The following ZNF248 variants were observed in gnomAD, a reference collection of about 807,000 sequenced individuals.
ZNF248 encodes the protein KRAB protein domain.
Under a neutral mutation model 44.3 loss-of-function variants are expected in ZNF248, and 20 were observed. That is an observed-to-expected ratio of 0.45 (90% CI 0.32 to 0.66). The LOEUF is 0.66. Among genes scored for constraint, ZNF248 ranks in the 30% least tolerant of loss-of-function variants. The pLI, the probability that ZNF248 is intolerant of heterozygous loss-of-function variation, is 0.04. For synonymous variants in ZNF248, 224 were observed against 229.0 expected, an observed-to-expected ratio of 0.98 and a Z score of 0.20; for missense variants, 654 against 677.0, an observed-to-expected ratio of 0.97 and a Z score of 0.38.
chr10:37,796,513 C>T (rs2049174240), intron 6 of ZNF248, among the ~76,000 whole-genome samples: 1 of 152,100 alleles, frequency 6.6e-6, no homozygotes. Context: ...GCCACAATAC[C>T]TGGCAAATCT....
chr10:37,850,861 A>C (rs949913237), intron 3 of ZNF248, among the ~76,000 whole-genome samples: 6 of 150,984 alleles, frequency 4.0e-5, no homozygotes, highest in Non-Finnish European at 8.9e-5. Context: ...ATTTTTAGAC[A>C]AAAAAAAAGA....
chr10:37,810,847 A>G (rs2051373218), intron 6 of ZNF248, among the ~76,000 whole-genome samples: 1 of 152,204 alleles, frequency 6.6e-6, no homozygotes, highest in South Asian at 2.1e-4. Context: ...AATTACCTGT[A>G]GTATATACTA....
At chr10:37,853,381 T>C (rs990135579) in intron 3 of ZNF248, among the ~76,000 whole-genome samples, 2 of 151,924 alleles carry the variant, frequency 1.3e-5, no homozygotes, top group Admixed American at 1.3e-4. Context: ...CGGAATGGTT[T>C]TTTGTTTTCT....
chr10:37,826,523 A>G (rs1031889160), downstream of ZNF248, among the ~76,000 whole-genome samples: 7 of 152,310 alleles, frequency 4.6e-5, no homozygotes, highest in Middle Eastern at 3.4e-3. Flanking sequence ...TTTCATCACT[A>G]CCACTAACAT....
chr10:37,840,372 A>G (rs1376919177), intron 3 of ZNF248, among the ~76,000 whole-genome samples: 1 of 152,222 alleles, frequency 6.6e-6, no homozygotes, highest in Non-Finnish European at 1.5e-5. Flanking sequence ...TAGGCAAAAG[A>G]TCTGAATGGT....
chr10:37,809,000 T>C (rs930743032), intron 6 of ZNF248, among the ~76,000 whole-genome samples: 9 of 152,174 alleles, frequency 5.9e-5, no homozygotes, highest in African/African-American at 2.2e-4. Flanking sequence ...ATTTCATCTA[T>C]GTTATCCAAT....
intron 3 of ZNF248, among the ~76,000 whole-genome samples, chr10:37,852,467 AG>A (rs2060445600): frequency 6.6e-6 from 1 of 151,938 alleles, no homozygotes; most frequent in Admixed American, 6.6e-5. Flanking sequence ...AGGGAGGAGT[AG>A]GGGTTGGCTG....
chr10:37,831,577 T>A lies in ZNF248; in HGVS notation c.*38A>T, dbSNP rs140808360. The A allele has an allele frequency of 6.9e-4, 1,091 of 1,591,106 alleles. 23 individuals carry two copies. In the East Asian group the frequency reaches 0.024, roughly 35 times the overall value. ...TCTCTGATCTCCTTTTTTGAAACTG[T>A]ATAACCAATTTCACAAGTGTATGAA... On this transcript the variant is annotated 3_prime_UTR_variant, in exon 6 of 6. Coordinates refer to ENST00000395867, the MANE Select transcript of ZNF248 (RefSeq NM_021045.3).
At chr10:37,783,353 T>C (rs2047529133) in intron 6 of ZNF248, among the ~76,000 whole-genome samples, 1 of 152,264 alleles carries the variant, frequency 6.6e-6, no homozygotes, top group South Asian at 2.1e-4. Flanking sequence ...TCATACCATA[T>C]ACACAAATTA....
At chr10:37,793,449 G>A (rs1049585218) in intron 6 of ZNF248, among the ~76,000 whole-genome samples, 57 of 152,086 alleles carry the variant, frequency 3.7e-4, no homozygotes, top group Non-Finnish European at 2.4e-4. Context: ...CGATACCAAT[G>A]GCCAATACCA....
At chr10:37,802,169 A>C (rs1264540736) in intron 6 of ZNF248, among the ~76,000 whole-genome samples, 1 of 152,208 alleles carries the variant, frequency 6.6e-6, no homozygotes, top group Non-Finnish European at 1.5e-5. Context: ...AAATCTCACA[A>C]AGTCCATTGT....
intron 5 of ZNF248, among the ~76,000 whole-genome samples, chr10:37,837,304 G>A (rs1332898258): frequency 7.2e-5 from 11 of 151,960 alleles, no homozygotes; most frequent in Admixed American, 1.3e-4. Context: ...TAGTAGAGAC[G>A]GGGTTTCACC....
chr10:37,852,781 TTTAA>T (rs1422260158), intron 3 of ZNF248, among the ~76,000 whole-genome samples: 2 of 151,494 alleles, frequency 1.3e-5, no homozygotes, highest in African/African-American at 2.4e-5. Context: ...TGTGTTTTTA[TTTAA>T]TTTAGAGAAC....
the ZNF248 span, among the ~76,000 whole-genome samples, chr10:37,760,252 A>G: frequency 0.027 from 4,185 of 152,260 alleles, 139 homozygotes; most frequent in African/African-American, 0.082. Flanking sequence ...TTTTTGAAAG[A>G]GGGTCTTGCT....
chr10:37,801,561 A>C (rs2049838695), intron 6 of ZNF248, among the ~76,000 whole-genome samples: 1 of 152,190 alleles, frequency 6.6e-6, no homozygotes, highest in African/African-American at 2.4e-5. Flanking sequence ...TTATTCTCCA[A>C]AATATATACA....
chr10:37,785,341 A>C (rs753597259), intron 6 of ZNF248, among the ~76,000 whole-genome samples: 1 of 152,172 alleles, frequency 6.6e-6, no homozygotes, highest in African/African-American at 2.4e-5. Flanking sequence ...GACTTAGTGT[A>C]ATCTATTGAC....
intron 6 of ZNF248, among the ~76,000 whole-genome samples, chr10:37,815,519 C>T (rs1295664363): frequency 6.6e-6 from 1 of 151,876 alleles, no homozygotes; most frequent in East Asian, 1.9e-4. Context: ...TTGATGTTTC[C>T]ATTTTGTTTA....
chr10:37,838,171 T>C (rs1251467322), intron 3 of ZNF248, 60 bp from the exon 4 acceptor site: 1 of 1,502,500 alleles, frequency 6.7e-7, no homozygotes, highest in Admixed American at 1.9e-5. Context: ...AGAAAAGATT[T>C]AAGAGAACTA....
chr10:37,831,591 C>G lies in ZNF248; in HGVS notation c.*24G>C. The G allele has an allele frequency of 6.3e-7, 1 of 1,597,456 alleles. No individual in the cohort carries two copies. Among genetic ancestry groups the G allele is most frequent in the Non-Finnish European group, 8.5e-7 (1 of 1,170,836 alleles). On this transcript the variant is annotated 3_prime_UTR_variant, in exon 6 of 6. Coordinates refer to ENST00000395867, the MANE Select transcript of ZNF248 (RefSeq NM_021045.3). ...TTTTGAAACTGTATAACCAATTTCACAAGTGTATGAAGGCTTCTAACATTC... is the reference window on the plus strand; with the variant it reads ...TTTTGAAACTGTATAACCAATTTCAGAAGTGTATGAAGGCTTCTAACATTC...
Sources: gnomAD v4.1 joint callset for allele counts (sites outside exome capture counted in the v4.1 genomes callset) on GRCh38, gnomAD v4.1.1 for gene constraint, MANE v1.5 for transcripts, NCBI Gene and HGNC (gene_info 2026-07-23, HGNC 2026-07-21) for gene names.